The following P2RX5 variants were observed in gnomAD, a reference collection of about 807,000 sequenced individuals.
P2RX5 encodes the protein P2X purinoceptor 5.
P2RX5 carries 46 observed loss-of-function variants against 54.1 expected under a neutral mutation model. The ratio of observed to expected loss-of-function variants is 0.85; its 90% CI spans 0.67 to 1.09. The LOEUF is 1.09. P2RX5 is among the 50% of genes least tolerant of loss of function. The pLI is 0.00. For missense variants in P2RX5, 566 were observed against 549.8 expected, an observed-to-expected ratio of 1.03 and a Z score of -0.29; for synonymous variants, 226 against 226.4, an observed-to-expected ratio of 1.00 and a Z score of 0.02.
At chr17:3,723,159 G>A in the P2RX5 span, 2 of 673,844 alleles carry the variant, frequency 3.0e-6, no homozygotes, top group South Asian at 1.6e-5. Flanking sequence ...GGGACAGAGG[G>A]TTGGTTTTTT....
At chr17:3,721,776 T>C in the P2RX5 span, 1 of 152,228 alleles carries the variant, frequency 6.6e-6, no homozygotes, top group Non-Finnish European at 1.5e-5. Context: ...CCGGGTGTGG[T>C]GGCTCATGCC....
chr17:3,677,016 C>A (rs1388056348), intron 11 of P2RX5: 15 of 883,472 alleles, frequency 1.7e-5, no homozygotes, highest in Non-Finnish European at 2.0e-5. Flanking sequence ...AAGCCAAGAT[C>A]ACGCCACTGC....
the P2RX5 span, among the ~76,000 whole-genome samples, chr17:3,713,509 G>C: frequency 6.6e-6 from 1 of 152,096 alleles, no homozygotes; most frequent in Non-Finnish European, 1.5e-5. Flanking sequence ...CCAGCACTTT[G>C]GGAGGCTGAG....
chr17:3,698,828 G>C (rs911769242), upstream of P2RX5, among the ~76,000 whole-genome samples: 2 of 151,958 alleles, frequency 1.3e-5, no homozygotes, highest in Non-Finnish European at 2.9e-5. Flanking sequence ...CCATCCTTAC[G>C]GGGTCCCTTA....
intron 11 of P2RX5, chr17:3,676,573 TG>T: frequency 2.0e-6 from 2 of 985,404 alleles, no homozygotes; most frequent in Non-Finnish European, 2.4e-6. Context: ...GCAGCATGCG[TG>T]TAAGTCTGAC....
chr17:3,706,725 C>T, the P2RX5 span, among the ~76,000 whole-genome samples: 2 of 152,168 alleles, frequency 1.3e-5, no homozygotes, highest in African/African-American at 4.8e-5. Flanking sequence ...GATTCTCCTG[C>T]CTCAGCCTCC....
At chr17:3,674,171 G>A (rs1367907231) in intron 11 of P2RX5, among the ~76,000 whole-genome samples, 1 of 152,082 alleles carries the variant, frequency 6.6e-6, no homozygotes, top group Middle Eastern at 3.2e-3. Context: ...AAAATTAGCC[G>A]GGCGAGGCGA....
intron 11 of P2RX5, chr17:3,676,375 G>A (rs1362461840): frequency 3.0e-6 from 3 of 985,300 alleles, no homozygotes; most frequent in African/African-American, 3.5e-5. Context: ...AAATCAGGGA[G>A]CCTCCTGCAT....
the P2RX5 span, chr17:3,723,757 C>A: frequency 1.9e-6 from 3 of 1,606,190 alleles, no homozygotes; most frequent in South Asian, 2.2e-5. Context: ...GAAACGAGAG[C>A]CATGACCGCG....
chr17:3,723,398 T>A, the P2RX5 span: 4 of 1,565,548 alleles, frequency 2.6e-6, no homozygotes, highest in Non-Finnish European at 3.5e-6. Flanking sequence ...AAAAGCGAGG[T>A]CTAGTGAACA....
chr17:3,723,439 CTTT>C, the P2RX5 span: 14 of 1,276,454 alleles, frequency 1.1e-5, no homozygotes, highest in East Asian at 1.4e-4. Flanking sequence ...AGTCTGAAAT[CTTT>C]TTAACACTTC....
At chr17:3,713,426 A>C in the P2RX5 span, among the ~76,000 whole-genome samples, 14 of 152,200 alleles carry the variant, frequency 9.2e-5, no homozygotes, top group African/African-American at 3.4e-4. Context: ...TTTGAAGAAA[A>C]TTATAAAACC....
intron 5 of P2RX5, 68 bp from the exon 6 acceptor site, chr17:3,690,218 C>T: frequency 7.0e-7 from 1 of 1,426,568 alleles, no homozygotes; most frequent in Non-Finnish European, 9.9e-7. Flanking sequence ...AGGCCTGGGC[C>T]AGTGTGAGGC....
At chr17:3,714,225 C>CCACAAT in the P2RX5 span, among the ~76,000 whole-genome samples, 1 of 151,114 alleles carries the variant, frequency 6.6e-6, no homozygotes, top group East Asian at 2.0e-4. Flanking sequence ...CCGCACCCCG[C>CCACAAT]CTATTTTGTT....
the P2RX5 span, among the ~76,000 whole-genome samples, chr17:3,715,474 G>C: frequency 6.6e-6 from 1 of 152,202 alleles, no homozygotes; most frequent in Non-Finnish European, 1.5e-5. Context: ...TGAGTGAAGT[G>C]AGCAGTCATG....
intron 8 of P2RX5, 122 bp from the exon 9 acceptor site, chr17:3,688,227 A>G: frequency 1.4e-6 from 1 of 701,318 alleles, no homozygotes; most frequent in Non-Finnish European, 2.6e-6. Flanking sequence ...CAGCAGCCCC[A>G]GGAGTGGCTT....
the P2RX5 span, chr17:3,718,086 T>C: frequency 2.0e-5 from 3 of 152,272 alleles, no homozygotes; most frequent in Non-Finnish European, 2.9e-5. Context: ...CGGGTACTAC[T>C]GTTTGCAGCA....
At position 3,678,490 on chromosome 17, in the gene P2RX5, G is replaced by A. The variant is rs539255036; in HGVS notation, c.1259+1100C>T. Reference sequence around the variant, plus strand: ...GCTCAAGTGAGCACCCAGGAAGTAAGAGTCAGCTCAGGGAGCACAGGAGGG... The same window carrying A: ...GCTCAAGTGAGCACCCAGGAAGTAAAAGTCAGCTCAGGGAGCACAGGAGGG... On this transcript the variant is annotated intron_variant, in intron 11 of 11. Coordinates refer to ENST00000225328, the MANE Select transcript of P2RX5 (RefSeq NM_002561.4). Among the ~76,000 whole-genome samples, 13 of 152,326 alleles carry A rather than the reference G, an allele frequency of 8.5e-5. No homozygotes were observed. In the South Asian group the frequency reaches 1.4e-3, roughly 17 times the overall value.
At chr17:3,704,921 G>T in the P2RX5 span, among the ~76,000 whole-genome samples, 3 of 152,150 alleles carry the variant, frequency 2.0e-5, no homozygotes, top group Non-Finnish European at 4.4e-5. Context: ...CAGGAGAATC[G>T]CTTGAACCTG....
Sources: allele counts gnomAD v4.1 joint callset (sites outside exome capture counted in the v4.1 genomes callset), GRCh38; gene constraint gnomAD v4.1.1; transcripts MANE v1.5; gene names NCBI Gene and HGNC (gene_info 2026-07-23, HGNC 2026-07-21).